COL4A3: variants seen among roughly 807,000 people sequenced by gnomAD.
COL4A3 encodes the protein collagen alpha-3(IV) chain.
In COL4A3, 135 loss-of-function variants were observed where a neutral mutation model predicts 217.4. That is an observed-to-expected ratio of 0.62 (90% CI 0.54 to 0.72). COL4A3 has a LOEUF of 0.72. COL4A3 is among the 30% of genes least tolerant of loss of function. COL4A3 has a pLI of 0.00. For synonymous variants in COL4A3, 690 were observed against 736.3 expected (o/e 0.94, Z 1.02); for missense variants, 1,868 against 2,119.9 (o/e 0.88, Z 2.33).
At chr2:227,246,099 C>A in intron 6 of COL4A3, 83 bp downstream of exon 6, 1 of 1,093,270 alleles carries the variant, frequency 9.1e-7, no homozygotes, top group South Asian at 1.3e-5. Context: ...GAAAGGCAGA[C>A]AGGCTTCCCT....
At position 227,311,988 on chromosome 2, in the gene COL4A3, T is replaced by A. The variant is rs2073760185; in HGVS notation, c.*118T>A. On this transcript the variant is annotated 3_prime_UTR_variant, in exon 52 of 52. Coordinates refer to ENST00000396578, the MANE Select transcript of COL4A3 (RefSeq NM_000091.5). Reference sequence around the variant, plus strand: ...ACAATATTGCTCCATGATGACTTAGTACAAAGTTTCAATTTGTTTCCCCAC... The same window carrying A: ...ACAATATTGCTCCATGATGACTTAGAACAAAGTTTCAATTTGTTTCCCCAC... 2.0e-6 allele frequency: 3 copies of A among 1,511,034 alleles called. No homozygotes were observed. The highest frequency in any genetic ancestry group is 2.7e-6 in the Non-Finnish European group (3 of 1,116,836). 93.6% of individuals were successfully genotyped at this position (1,511,034 alleles called of 1,614,324 possible).
chr2:227,195,022 A>C (rs2066414877), intron 1 of COL4A3, among the ~76,000 whole-genome samples: 1 of 152,180 alleles, frequency 6.6e-6, no homozygotes, highest in African/African-American at 2.4e-5. Flanking sequence ...TTGGGGAAAA[A>C]AGAAAATTTT....
rs200801946 is a variant in COL4A3, at chr2:227,289,155, G to C, written c.2887G>C (p.Ala963Pro). The change falls in exon 35 of 52, where the codon GCA becomes CCA. Residue 963 changes from alanine (A) to proline (P), a missense_variant. Ala to Pro is a conservative substitution (Grantham distance 27). Transcript: ENST00000396578. ...DKGEPGLKGF[A>P]GNPGEKGNRG... is the part of the protein sequence containing the mutation. ...TACCTGGTTTCTAACTTCAGGATTCGCAGGAAATCCAGGTGAGAAAGGAAA... is the reference window on the plus strand; with the variant it reads ...TACCTGGTTTCTAACTTCAGGATTCCCAGGAAATCCAGGTGAGAAAGGAAA... 3.1e-6 allele frequency: 5 copies of C among 1,612,454 alleles called. No homozygotes were observed. Among genetic ancestry groups the C allele is most frequent in the Middle Eastern group, 1.6e-4 (1 of 6,074 alleles).
At chr2:227,188,985 CA>C in intron 1 of COL4A3, among the ~76,000 whole-genome samples, 1 of 152,120 alleles carries the variant, frequency 6.6e-6, no homozygotes, top group Non-Finnish European at 1.5e-5. Flanking sequence ...AAACCCTTCC[CA>C]GAGAAAATGA....
intron 1 of COL4A3, among the ~76,000 whole-genome samples, chr2:227,231,330 T>C (rs1046280025): frequency 1.3e-5 from 2 of 152,132 alleles, no homozygotes; most frequent in Non-Finnish European, 2.9e-5. Flanking sequence ...CCAGCACATG[T>C]CTGCTATACC....
At chr2:227,244,245 G>A in intron 3 of COL4A3, 75 bp from the exon 4 acceptor site, 1 of 1,222,456 alleles carries the variant, frequency 8.2e-7, no homozygotes, top group East Asian at 2.3e-5. Context: ...GACTGAGACT[G>A]GGTTTGATGT....
chr2:227,234,684 C>T (rs767592333), intron 1 of COL4A3, among the ~76,000 whole-genome samples: 45 of 152,204 alleles, frequency 3.0e-4, no homozygotes, highest in Admixed American at 5.2e-4. Context: ...GAATATCTAA[C>T]TGCAGAGGCT....
chr2:227,274,044 C>T (rs984768579), intron 26 of COL4A3, among the ~76,000 whole-genome samples: 4 of 152,062 alleles, frequency 2.6e-5, no homozygotes, highest in African/African-American at 4.8e-5. Context: ...CAAGACCAGC[C>T]GGGTCAACAT....
chr2:227,235,453 A>AT (rs1361839144), intron 1 of COL4A3, among the ~76,000 whole-genome samples: 1 of 152,128 alleles, frequency 6.6e-6, no homozygotes, highest in African/African-American at 2.4e-5. Context: ...CTTTCTCTTC[A>AT]TTTATTTCAA....
intron 1 of COL4A3, among the ~76,000 whole-genome samples, chr2:227,206,096 T>C (rs759350969): frequency 6.6e-6 from 1 of 151,918 alleles, no homozygotes; most frequent in Non-Finnish European, 1.5e-5. Flanking sequence ...TTTTTCGAGA[T>C]GGAGTCTCAC....
At position 227,309,066 on chromosome 2, in the gene COL4A3, T is replaced by C. The variant is rs1015509213; in HGVS notation, c.4630T>C (p.Tyr1544His). The part of the protein sequence containing the change: ...APITGRALEP[Y>H]ISRCTVCEGP... ...CATTACTGGCAGAGCCCTTGAGCCT[T>C]ATATAAGCAGGTAAAAATCCAATCC... The change falls in exon 49 of 52, where the codon TAT becomes CAT. Residue 1544 changes from tyrosine to histidine, a missense_variant. Transcript: ENST00000396578. 6.2e-6 allele frequency: 10 copies of C among 1,614,184 alleles called. No individual in the cohort carries two copies. The highest frequency in any genetic ancestry group is 8.5e-6 in the Non-Finnish European group (10 of 1,180,020).
intron 1 of COL4A3, among the ~76,000 whole-genome samples, chr2:227,184,728 T>A (rs2065961525): frequency 6.6e-6 from 1 of 152,132 alleles, no homozygotes; most frequent in African/African-American, 2.4e-5. Context: ...CATAACAAAA[T>A]TTGATTATGC....
chr2:227,234,183 A>G (rs948500247), intron 1 of COL4A3, among the ~76,000 whole-genome samples: 4 of 152,034 alleles, frequency 2.6e-5, no homozygotes, highest in African/African-American at 9.7e-5. Flanking sequence ...ATGTGGAGAG[A>G]GAGAAAGAGA....
At chr2:227,173,117 T>G (rs1032868929) in intron 1 of COL4A3, among the ~76,000 whole-genome samples, 2 of 152,180 alleles carry the variant, frequency 1.3e-5, no homozygotes, top group African/African-American at 4.8e-5. Context: ...ACTGAAAAAA[T>G]GAGTTAGAGC....
chr2:227,224,039 C>A (rs1331223913), intron 1 of COL4A3, among the ~76,000 whole-genome samples: 2 of 152,188 alleles, frequency 1.3e-5, no homozygotes, highest in Non-Finnish European at 2.9e-5. Context: ...GAAAAGTCAA[C>A]ATGAAGCAGA....
At chr2:227,202,399 T>C (rs750733210) in intron 1 of COL4A3, among the ~76,000 whole-genome samples, 11 of 152,128 alleles carry the variant, frequency 7.2e-5, no homozygotes, top group Non-Finnish European at 1.2e-4. Context: ...GTATCCAAAG[T>C]TTACTAACTG....
Position 227,276,381 on chromosome 2 carries a change from T to C in COL4A3, c.1928-4T>C, listed in dbSNP as rs376327706. 89 of 1,612,382 alleles carry C rather than the reference T, an allele frequency of 5.5e-5. No homozygotes were observed. The highest frequency in any genetic ancestry group is 3.3e-4 in the Middle Eastern group (2 of 6,080). On this transcript the variant is annotated splice_region_variant and splice_polypyrimidine_tract_variant and intron_variant, in intron 26 of 51. Coordinates refer to ENST00000396578, the MANE Select transcript of COL4A3 (RefSeq NM_000091.5). ...CCAATCTTATGACCACAAATTTCCTTAAGGCCCTAGGGGAGAGCTCAGTGT... is the reference window on the plus strand; with the variant it reads ...CCAATCTTATGACCACAAATTTCCTCAAGGCCCTAGGGGAGAGCTCAGTGT...
intron 2 of COL4A3, 162 bp downstream of exon 2, chr2:227,238,186 A>AG (rs2068805354): frequency 1.9e-6 from 1 of 527,372 alleles, no homozygotes; most frequent in South Asian, 2.1e-5. Context: ...TAAAAAAAAA[A>AG]AAAGAAAAAA....
intron 28 of COL4A3, among the ~76,000 whole-genome samples, chr2:227,278,624 A>G (rs1489610696): frequency 6.6e-6 from 1 of 152,138 alleles, no homozygotes; most frequent in East Asian, 1.9e-4. Context: ...CTTCCTAATG[A>G]TCTGTGAAGT....
Sources: allele counts gnomAD v4.1 joint callset (sites outside exome capture counted in the v4.1 genomes callset), GRCh38; gene constraint gnomAD v4.1.1; transcripts MANE v1.5; gene names NCBI Gene and HGNC (gene_info 2026-07-23, HGNC 2026-07-21).